The following PARP8 variants were observed in gnomAD, a reference collection of about 807,000 sequenced individuals.
PARP8 encodes the protein poly(ADP-ribose) polymerase family member 8.
In PARP8, 51 loss-of-function variants were observed where a neutral mutation model predicts 124.1. The observed-to-expected ratio is 0.41, with a 90% CI of 0.33 to 0.52. The LOEUF (loss-of-function observed/expected upper bound fraction) is 0.52. PARP8 is among the 20% of genes least tolerant of loss of function. The probability of loss-of-function intolerance (pLI) is 0.21; values close to 1 mark genes in which losing one functional copy is unlikely to be tolerated. For synonymous variants in PARP8, 391 were observed against 361.5 expected, an observed-to-expected ratio of 1.08 and a Z score of -0.93; for missense variants, 860 against 1,018.9, an observed-to-expected ratio of 0.84 and a Z score of 2.12.
intron 9 of PARP8, among the ~76,000 whole-genome samples, chr5:50,784,569 C>T (rs76682525): frequency 2.6e-5 from 4 of 152,022 alleles, no homozygotes; most frequent in Admixed American, 2.0e-4. Flanking sequence ...GAATAATTTC[C>T]ACATATCTTG....
chr5:50,804,675 C>A (rs1743622052), intron 14 of PARP8, among the ~76,000 whole-genome samples: 1 of 152,076 alleles, frequency 6.6e-6, no homozygotes, highest in African/African-American at 2.4e-5. Context: ...CTAGAAAATA[C>A]AGCATTTGTA....
chr5:50,707,291 A>G (rs1432262804), intron 2 of PARP8, among the ~76,000 whole-genome samples: 5 of 151,948 alleles, frequency 3.3e-5, no homozygotes, highest in Non-Finnish European at 7.4e-5. Context: ...CCAAGGTTCA[A>G]CTCCTGCAGG....
chr5:50,769,557 T>C (rs1415666274), intron 7 of PARP8, among the ~76,000 whole-genome samples: 2 of 152,026 alleles, frequency 1.3e-5, no homozygotes, highest in Non-Finnish European at 2.9e-5. Context: ...CAAGAAGTGA[T>C]TCTATGAGAA....
At chr5:50,705,942 A>G (rs1378099355) in intron 2 of PARP8, among the ~76,000 whole-genome samples, 1 of 152,186 alleles carries the variant, frequency 6.6e-6, no homozygotes, top group Admixed American at 6.5e-5. Context: ...CCCATTTATC[A>G]TGCACAGTCC....
At chr5:50,690,196 T>C (rs1435635481) in intron 2 of PARP8, among the ~76,000 whole-genome samples, 1 of 152,198 alleles carries the variant, frequency 6.6e-6, no homozygotes, top group African/African-American at 2.4e-5. Context: ...AGTTCATACC[T>C]CTTTTCCTTA....
At chr5:50,772,317 G>C (rs564651922) in intron 7 of PARP8, among the ~76,000 whole-genome samples, 1 of 152,274 alleles carries the variant, frequency 6.6e-6, no homozygotes, top group East Asian at 1.9e-4. Context: ...ATACATGGGG[G>C]CACAGATATC....
chr5:50,828,753 C>T (rs1262136765), intron 21 of PARP8, among the ~76,000 whole-genome samples: 1 of 143,426 alleles, frequency 7.0e-6, no homozygotes, highest in African/African-American at 2.6e-5. Context: ...ATATATTTAT[C>T]CAGGCGTGGT....
chr5:50,759,765 AT>A, intron 4 of PARP8, 33 bp downstream of exon 4: 2 of 1,526,302 alleles, frequency 1.3e-6, no homozygotes, highest in Non-Finnish European at 8.7e-7. Context: ...TACTAGGTTA[AT>A]TTTTTAAATT....
chr5:50,794,212 T>C lies in PARP8; in HGVS notation c.743T>C (p.Met248Thr), dbSNP rs1355945940. Residue 248 changes from methionine to threonine, a missense_variant, in exon 11 of 26, where the codon ATG becomes ACG. Around this residue, in one of 2 missense-constraint regions of PARP8, gnomAD observed 517 missense variants for 544.2 expected, o/e 0.95. Transcript: ENST00000281631. ...FGLGHQLKKI[M>T]QTFVTQQWKQ... ...AATTACCTTTGGATTGACAGAATCA[T>C]GCAGACATTTGTTACACAGCAGTGG... is the stretch of plus-strand genomic sequence containing the variant. 1.2e-6 allele frequency: 2 copies of C among 1,611,428 alleles called. No homozygotes were observed. The highest frequency in any genetic ancestry group is 2.2e-5 in the South Asian group (2 of 90,638).
At position 50,832,838 on chromosome 5, in the gene PARP8, G is replaced by A; in HGVS notation, c.2291G>A (p.Ser764Asn). The change falls in exon 23 of 26, where the codon AGC becomes AAC. Residue 764 changes from serine to asparagine, a missense_variant. By Grantham distance (46) the Ser-to-Asn change is conservative. Transcript: ENST00000281631. Reference sequence around the variant, plus strand: ...GACGAGCCAGCTTCAAGCAGTAAAAGCAGCAATACATCACAGGTGTTGTAG... The same window carrying A: ...GACGAGCCAGCTTCAAGCAGTAAAAACAGCAATACATCACAGGTGTTGTAG... ...AKDEPASSSK[S>N]SNTSQSQKKG... 15 of 1,613,360 alleles carry A rather than the reference G, an allele frequency of 9.3e-6. No homozygotes were observed. Among genetic ancestry groups the A allele is most frequent in the Non-Finnish European group, 1.3e-5 (15 of 1,179,504 alleles).
At chr5:50,730,439 A>G (rs528167063) in intron 2 of PARP8, among the ~76,000 whole-genome samples, 15 of 152,264 alleles carry the variant, frequency 9.9e-5, no homozygotes, top group South Asian at 2.1e-4. Flanking sequence ...AAAAGGGGGA[A>G]AAGCCCTTTG....
intron 2 of PARP8, among the ~76,000 whole-genome samples, chr5:50,693,419 A>G (rs952011320): frequency 6.6e-6 from 1 of 152,156 alleles, no homozygotes; most frequent in African/African-American, 2.4e-5. Context: ...GTCAGACCCT[A>G]TCTCAAGATA....
In PARP8 at chr5:50,797,339, C is replaced by T; in HGVS notation, c.1575+106C>T. The T allele has an allele frequency of 2.8e-6, 2 of 708,428 alleles. 1 individual carries two copies. Among genetic ancestry groups the T allele is most frequent in the South Asian group, 5.5e-5 (2 of 36,192 alleles). 43.9% of individuals were successfully genotyped at this position (708,428 alleles called of 1,614,324 possible). On this transcript the variant is annotated intron_variant, in intron 14 of 25. Coordinates refer to ENST00000281631, the MANE Select transcript of PARP8 (RefSeq NM_024615.4). ...ATAAATGCAGTTGAAAGCAAATACT[C>T]TTTATTGAGCAAATTATTTACATAT... is the stretch of plus-strand genomic sequence containing the variant.
At chr5:50,682,716 A>G (rs1405215355) in intron 2 of PARP8, among the ~76,000 whole-genome samples, 1 of 152,126 alleles carries the variant, frequency 6.6e-6, no homozygotes, top group African/African-American at 2.4e-5. Flanking sequence ...CAGATTTCCA[A>G]TTCATAAGTA....
intron 8 of PARP8, 63 bp from the exon 9 acceptor site, chr5:50,778,496 TG>T: frequency 1.5e-6 from 2 of 1,338,708 alleles, no homozygotes; most frequent in Non-Finnish European, 2.1e-6. Flanking sequence ...AAAGTTTGTG[TG>T]TTTTTTTTTT....
intron 2 of PARP8, among the ~76,000 whole-genome samples, chr5:50,672,649 A>C (rs112881192): frequency 2.6e-5 from 4 of 152,178 alleles, no homozygotes; most frequent in African/African-American, 9.6e-5. Flanking sequence ...GAGAGTTTGG[A>C]CTCCAAGGGT....
At chr5:50,807,899 A>T (rs569337552) in intron 14 of PARP8, among the ~76,000 whole-genome samples, 1 of 152,148 alleles carries the variant, frequency 6.6e-6, no homozygotes, top group African/African-American at 2.4e-5. Flanking sequence ...TTGACAAGGC[A>T]TGAGATTCCA....
chr5:50,667,042 G>A lies in PARP8; in HGVS notation c.-54G>A, dbSNP rs1187561599. On this transcript the variant is annotated 5_prime_UTR_variant, in exon 1 of 26. Coordinates refer to ENST00000281631, the MANE Select transcript of PARP8 (RefSeq NM_024615.4). ...ATTTACGAAAGCTGGAAGCGTGCGA[G>A]GGGGGTGGGGTGGGGTGGAAATAGC... 1.9e-6 allele frequency: 3 copies of A among 1,595,266 alleles called. No individual in the cohort carries two copies. In the African/African-American group the frequency reaches 4.0e-5, roughly 21 times the overall value.
intron 9 of PARP8, among the ~76,000 whole-genome samples, chr5:50,779,409 T>A (rs1312577924): frequency 6.6e-6 from 1 of 152,212 alleles, no homozygotes; most frequent in Non-Finnish European, 1.5e-5. Flanking sequence ...AATCAAGGCC[T>A]CACTGGGTTG....
Sources: gnomAD v4.1 joint callset for allele counts (sites outside exome capture counted in the v4.1 genomes callset) on GRCh38, gnomAD v4.1.1 for gene constraint, gnomAD v4.1.1 regional missense constraint, MANE v1.5 for transcripts, NCBI Gene and HGNC (gene_info 2026-07-23, HGNC 2026-07-21) for gene names.